The following SNTG1 variants were observed in gnomAD, a reference collection of about 807,000 sequenced individuals.
SNTG1 encodes syntrophin gamma 1.
In SNTG1, 39 loss-of-function variants were observed where a neutral mutation model predicts 74.7. That is an observed-to-expected ratio of 0.52 (90% CI 0.40 to 0.68). The LOEUF (loss-of-function observed/expected upper bound fraction) is 0.68, where lower values mean the gene tolerates loss of function less well. Ranked by LOEUF, SNTG1 falls within the 30% of genes least tolerant of loss-of-function variation. The pLI, the probability that SNTG1 is intolerant of heterozygous loss-of-function variation, is 0.00. For missense variants in SNTG1, 685 were observed against 609.5 expected, an observed-to-expected ratio of 1.12 and a Z score of -1.30; for synonymous variants, 254 against 217.1, an observed-to-expected ratio of 1.17 and a Z score of -1.49.
At chr8:50,200,859 A>G (rs779544229) in intron 2 of SNTG1, among the ~76,000 whole-genome samples, 1 of 152,210 alleles carries the variant, frequency 6.6e-6, no homozygotes, top group Non-Finnish European at 1.5e-5. Flanking sequence ...ACCTCTAAGT[A>G]TAAAAAGAAT....
intron 17 of SNTG1, among the ~76,000 whole-genome samples, chr8:50,720,419 T>C (rs1307072127): frequency 2.0e-5 from 3 of 152,214 alleles, no homozygotes. Context: ...ACATTCTTAT[T>C]ATGCATCAAT....
chr8:50,373,625 C>T (rs1430497095), intron 2 of SNTG1, among the ~76,000 whole-genome samples: 3 of 152,194 alleles, frequency 2.0e-5, no homozygotes, highest in Non-Finnish European at 4.4e-5. Flanking sequence ...ATGGGAAACT[C>T]ATTTAAGAAG....
At chr8:49,984,870 G>C (rs318909) in intron 1 of SNTG1, among the ~76,000 whole-genome samples, 6,031 of 152,196 alleles carry the variant, frequency 0.04, 409 homozygotes, top group African/African-American at 0.14. Flanking sequence ...TGGAAAGTAA[G>C]TTGTCTCGGT....
At chr8:50,656,578 T>C (rs1321593660) in intron 13 of SNTG1, among the ~76,000 whole-genome samples, 2 of 152,160 alleles carry the variant, frequency 1.3e-5, no homozygotes, top group African/African-American at 4.8e-5. Context: ...GTGCGATGCA[T>C]CAATGAATTC....
chr8:50,254,220 G>A (rs1325333625), intron 2 of SNTG1, among the ~76,000 whole-genome samples: 1 of 152,110 alleles, frequency 6.6e-6, no homozygotes, highest in Admixed American at 6.5e-5. Context: ...CAAGTATGAT[G>A]TCAGAATTGG....
intron 17 of SNTG1, among the ~76,000 whole-genome samples, chr8:50,732,283 T>A (rs7822224): frequency 6.6e-6 from 1 of 151,700 alleles, no homozygotes; most frequent in African/African-American, 2.4e-5. Context: ...GCATTTATAG[T>A]TAAGCCAAGC....
rs187808419 is a variant in SNTG1 at position 50,518,153 on chromosome 8, C to T, written c.467-12024C>T. Among the ~76,000 whole-genome samples, 993 of 152,270 alleles carry T rather than the reference C, an allele frequency of 6.5e-3. 3 individuals carry two copies. The highest frequency in any genetic ancestry group is 0.031 in the Middle Eastern group (9 of 294). On this transcript the variant is annotated intron_variant, in intron 9 of 18. Coordinates refer to ENST00000642720, the MANE Select transcript of SNTG1 (RefSeq NM_018967.5). Reference sequence around the variant, plus strand: ...AATAAGAACTCAGGATTAAGAAACTCACTCAAAACCACACAACTACATGGA... The same window carrying T: ...AATAAGAACTCAGGATTAAGAAACTTACTCAAAACCACACAACTACATGGA...
rs1816687850 is a variant in SNTG1 at position 50,020,092 on chromosome 8, T to G, written c.-103+107861T>G. Reference sequence around the variant, plus strand: ...ACTATACTCTATCTTCAGCATGGGATTCCCCATTTACATTGTGTATTAAAC... The same window carrying G: ...ACTATACTCTATCTTCAGCATGGGAGTCCCCATTTACATTGTGTATTAAAC... On this transcript the variant is annotated intron_variant, in intron 1 of 18. Coordinates refer to ENST00000642720, the MANE Select transcript of SNTG1 (RefSeq NM_018967.5). 1.3e-5 allele frequency among the ~76,000 whole-genome samples: 2 copies of G among 152,196 alleles called. 1 individual carries two copies. The highest frequency in any genetic ancestry group is 4.1e-4 in the South Asian group (2 of 4,836).
intron 1 of SNTG1, among the ~76,000 whole-genome samples, chr8:50,114,593 G>A (rs773840318): frequency 1.3e-5 from 2 of 152,154 alleles, no homozygotes; most frequent in African/African-American, 2.4e-5. Context: ...AAAGCCGGGC[G>A]CAGTGGCTCA....
At chr8:50,222,022 G>A (rs577121787) in intron 2 of SNTG1, among the ~76,000 whole-genome samples, 1 of 152,186 alleles carries the variant, frequency 6.6e-6, no homozygotes, top group Non-Finnish European at 1.5e-5. Flanking sequence ...AATCTTAGGG[G>A]TGCAGAAAAT....
At chr8:50,249,175 A>T (rs1162403222) in intron 2 of SNTG1, among the ~76,000 whole-genome samples, 1 of 152,132 alleles carries the variant, frequency 6.6e-6, no homozygotes, top group African/African-American at 2.4e-5. Context: ...ATAGAGGAGG[A>T]TCTTCTAGTC....
intron 2 of SNTG1, among the ~76,000 whole-genome samples, chr8:50,339,048 A>G (rs1209751324): frequency 1.3e-5 from 2 of 152,030 alleles, no homozygotes; most frequent in Non-Finnish European, 2.9e-5. Flanking sequence ...TAAGCCAGAG[A>G]AAAAAAATCA....
At chr8:50,075,838 A>G (rs537808979) in intron 1 of SNTG1, among the ~76,000 whole-genome samples, 1 of 152,146 alleles carries the variant, frequency 6.6e-6, no homozygotes, top group Non-Finnish European at 1.5e-5. Context: ...CTGCAACTTC[A>G]TTCTTGAAGC....
In SNTG1 at chr8:50,378,662, G is replaced by A. The variant is rs116998470; in HGVS notation, c.-27-15550G>A. On this transcript the variant is annotated intron_variant, in intron 2 of 18. Coordinates refer to ENST00000642720, the MANE Select transcript of SNTG1 (RefSeq NM_018967.5). ...TGTTCAGCTCTTAGCAGAGAAGGTA[G>A]CTCCTCTCTGCTAGGCAAATCATCC... Among the ~76,000 whole-genome samples, 270 of 152,056 alleles carry A rather than the reference G, an allele frequency of 1.8e-3. 3 individuals are homozygous for A. The East Asian group carries it at 0.049, about 27-fold the overall frequency.
intron 2 of SNTG1, among the ~76,000 whole-genome samples, chr8:50,376,833 C>T (rs1199408733): frequency 6.6e-6 from 1 of 150,416 alleles, no homozygotes; most frequent in Admixed American, 6.6e-5. Context: ...TGCCCTGAAG[C>T]TCTCCTCATC....
chr8:50,528,027 C>A (rs905104106), intron 9 of SNTG1, among the ~76,000 whole-genome samples: 1 of 151,856 alleles, frequency 6.6e-6, no homozygotes, highest in Non-Finnish European at 1.5e-5. Context: ...TAGCATAATT[C>A]TAGAAAGACT....
intron 18 of SNTG1, among the ~76,000 whole-genome samples, chr8:50,768,344 T>C (rs1476067132): frequency 1.3e-5 from 2 of 152,010 alleles, no homozygotes; most frequent in Non-Finnish European, 2.9e-5. Context: ...AAAAAAATGT[T>C]TCTGATTTGA....
intron 2 of SNTG1, among the ~76,000 whole-genome samples, chr8:50,283,529 A>G (rs988199247): frequency 6.6e-6 from 1 of 152,194 alleles, no homozygotes; most frequent in Non-Finnish European, 1.5e-5. Context: ...AACAAAACTG[A>G]TTTTTGTGTA....
chr8:50,500,714 T>A (rs1252869654), intron 8 of SNTG1, among the ~76,000 whole-genome samples: 1 of 152,164 alleles, frequency 6.6e-6, no homozygotes, highest in Non-Finnish European at 1.5e-5. Flanking sequence ...TGGTCCATGG[T>A]TCCATTTACA....
Sources: gnomAD v4.1 joint callset for allele counts (sites outside exome capture counted in the v4.1 genomes callset) on GRCh38, gnomAD v4.1.1 for gene constraint, MANE v1.5 for transcripts, NCBI Gene and HGNC (gene_info 2026-07-23, HGNC 2026-07-21) for gene names.